Variants in PKHD1 observed in about 807,000 individuals in gnomAD.
PKHD1 encodes the protein PKHD1 ciliary IPT domain containing fibrocystin/polyductin, also known as fibrocystin.
PKHD1 carries 291 observed loss-of-function variants against 412.0 expected under a neutral mutation model. The ratio of observed to expected loss-of-function variants is 0.71; its 90% confidence interval spans 0.64 to 0.78. PKHD1 has a LOEUF of 0.78. Among genes scored for constraint, PKHD1 ranks in the 30% least tolerant of loss-of-function variants. PKHD1 has a pLI of 0.00. For missense variants in PKHD1, 4,825 were observed against 4,950.7 expected (o/e 0.97, Z 0.76); for synonymous variants, 1,777 against 1,821.5 (o/e 0.98, Z 0.62).
At chr6:51,649,005 G>C (rs1449417149) in intron 62 of PKHD1, 80 bp downstream of exon 62, 5 of 1,331,976 alleles carry the variant, frequency 3.8e-6, no homozygotes, top group Non-Finnish European at 5.4e-6. Flanking sequence ...GTGTATCAAT[G>C]ATGACACACT....
intron 52 of PKHD1, among the ~76,000 whole-genome samples, chr6:51,806,019 G>C (rs891291487): frequency 6.7e-6 from 1 of 150,336 alleles, no homozygotes; most frequent in African/African-American, 2.5e-5. Context: ...CAGGATGGCT[G>C]GGTCCAGATG....
intron 63 of PKHD1, among the ~76,000 whole-genome samples, chr6:51,646,932 C>G (rs527309374): frequency 6.6e-6 from 1 of 152,178 alleles, no homozygotes; most frequent in East Asian, 1.9e-4. Flanking sequence ...GACCTTGGAA[C>G]TGGCCTGCTT....
intron 34 of PKHD1, 127 bp from the exon 35 acceptor site, chr6:52,010,586 C>T (rs1322014489): frequency 3.9e-6 from 3 of 764,166 alleles, no homozygotes; most frequent in Non-Finnish European, 6.8e-6. Flanking sequence ...TCAAATTTTG[C>T]AAATTTCTGT....
At chr6:51,621,503 T>C (rs1181108921) in intron 66 of PKHD1, among the ~76,000 whole-genome samples, 3 of 152,254 alleles carry the variant, frequency 2.0e-5, no homozygotes, top group Admixed American at 6.5e-5. Context: ...ACTGTTATCT[T>C]GTTTTTGAGA....
At chr6:51,717,338 G>A (rs28394538) in intron 60 of PKHD1, among the ~76,000 whole-genome samples, 28,457 of 151,842 alleles carry the variant, frequency 0.19, 2,987 homozygotes, top group African/African-American at 0.29. Flanking sequence ...CTTGAACCCA[G>A]GAGGCAGAGA....
At chr6:51,959,589 G>A (rs1164977701) in intron 36 of PKHD1, among the ~76,000 whole-genome samples, 1 of 152,034 alleles carries the variant, frequency 6.6e-6, no homozygotes, top group Non-Finnish European at 1.5e-5. Flanking sequence ...TGACTAAAAA[G>A]TGCTTGAATA....
intron 36 of PKHD1, among the ~76,000 whole-genome samples, chr6:51,945,381 A>T (rs1352525588): frequency 6.6e-6 from 1 of 152,190 alleles, no homozygotes; most frequent in Non-Finnish European, 1.5e-5. Flanking sequence ...GCCTCAGATT[A>T]CTCAGGTCCC....
chr6:51,846,455 A>G (rs1771173852), intron 50 of PKHD1, among the ~76,000 whole-genome samples: 1 of 152,170 alleles, frequency 6.6e-6, no homozygotes, highest in African/African-American at 2.4e-5. Flanking sequence ...TTATAACAAA[A>G]TTGTCACTCT....
chr6:51,815,492 G>C (rs1470321517), intron 52 of PKHD1, among the ~76,000 whole-genome samples: 2 of 152,088 alleles, frequency 1.3e-5, no homozygotes, highest in African/African-American at 2.4e-5. Context: ...GGAAAGAAAG[G>C]AGAAGTGGAA....
intron 51 of PKHD1, among the ~76,000 whole-genome samples, chr6:51,833,831 T>G (rs75769096): frequency 0.054 from 8,189 of 152,106 alleles, 232 homozygotes; most frequent in South Asian, 0.073. Flanking sequence ...GAATGGACAG[T>G]CTTAAGAGTT....
chr6:51,689,010 T>C (rs1379993315), intron 60 of PKHD1, among the ~76,000 whole-genome samples: 4 of 152,092 alleles, frequency 2.6e-5, no homozygotes, highest in Non-Finnish European at 5.9e-5. Flanking sequence ...GCCGGCATCA[T>C]CCTGATACCA....
chr6:51,826,908 C>T (rs1248706311), intron 52 of PKHD1, among the ~76,000 whole-genome samples: 3 of 151,886 alleles, frequency 2.0e-5, no homozygotes, highest in Non-Finnish European at 4.4e-5. Context: ...AAATTGATTT[C>T]CCAGAAAATG....
intron 60 of PKHD1, among the ~76,000 whole-genome samples, chr6:51,692,290 C>CACA (rs1554196079): frequency 2.0e-5 from 3 of 148,164 alleles, no homozygotes; most frequent in South Asian, 2.1e-4. Flanking sequence ...CACACACACA[C>CACA]CACTGAGTTC....
chr6:52,038,374 CAA>C lies in PKHD1; in HGVS notation c.3098-2655_3098-2654del, dbSNP rs34413030. ...TGGGCAACAGAATGAGACTCGGTCT[CAA>C]AAAAAAAAAAAAAAGTTGGCAGGGG... On this transcript the variant is annotated intron_variant, in intron 27 of 66. Transcript: ENST00000371117. Among the ~76,000 whole-genome samples, 216 of 111,510 alleles carry C rather than the reference CAA, an allele frequency of 1.9e-3. 1 individual carries two copies. In the Middle Eastern group the frequency reaches 0.02, roughly 10 times the overall value. 73.2% of individuals were successfully genotyped at this position (111,510 alleles called of 152,430 possible).
At chr6:51,919,064 C>A (rs537131159) in intron 37 of PKHD1, among the ~76,000 whole-genome samples, 2 of 152,252 alleles carry the variant, frequency 1.3e-5, no homozygotes, top group East Asian at 3.9e-4. Flanking sequence ...AATATTTTCT[C>A]CCATTCTGTA....
At chr6:51,946,798 A>G (rs1202195787) in intron 36 of PKHD1, among the ~76,000 whole-genome samples, 1 of 152,230 alleles carries the variant, frequency 6.6e-6, no homozygotes, top group East Asian at 1.9e-4. Context: ...CTTTCCATTA[A>G]ACATCTCTTT....
At chr6:51,714,948 A>G (rs1308568225) in intron 60 of PKHD1, among the ~76,000 whole-genome samples, 2 of 152,122 alleles carry the variant, frequency 1.3e-5, no homozygotes, top group East Asian at 3.9e-4. Context: ...GACCATTTTC[A>G]CAATTATTTC....
chr6:51,946,949 A>C (rs1381483527), intron 36 of PKHD1, among the ~76,000 whole-genome samples: 1 of 152,226 alleles, frequency 6.6e-6, no homozygotes, highest in East Asian at 1.9e-4. Context: ...TTTTTTAAGA[A>C]AACAAATACA....
At chr6:51,973,424 T>C (rs111841861) in intron 35 of PKHD1, among the ~76,000 whole-genome samples, 19 of 152,206 alleles carry the variant, frequency 1.2e-4, no homozygotes, top group African/African-American at 4.6e-4. Context: ...ATATAACATA[T>C]ACACATACGT....
Sources: gnomAD v4.1 joint callset for allele counts (sites outside exome capture counted in the v4.1 genomes callset) on GRCh38, gnomAD v4.1.1 for gene constraint, MANE v1.5 for transcripts, NCBI Gene and HGNC (gene_info 2026-07-23, HGNC 2026-07-21) for gene names.